The following CELF2 variants were observed in gnomAD, a reference collection of about 807,000 sequenced individuals.
CELF2 encodes the protein CUG triplet repeat RNA-binding protein 2.
Under a neutral mutation model 62.6 loss-of-function variants are expected in CELF2, and 8 were observed. The observed-to-expected ratio is 0.13, with a 90% confidence interval of 0.07 to 0.23. The LOEUF (loss-of-function observed/expected upper bound fraction) is 0.23. Ranked by LOEUF, CELF2 falls within the 10% of genes least tolerant of loss-of-function variation. The pLI, the probability that CELF2 is intolerant of heterozygous loss-of-function variation, is 1.00. For missense variants in CELF2, 333 were observed against 671.0 expected (o/e 0.50, Z 5.56); for synonymous variants, 258 against 250.0 (o/e 1.03, Z -0.30).
intron 1 of CELF2, among the ~76,000 whole-genome samples, chr10:11,076,611 C>T (rs1377392821): frequency 6.6e-6 from 1 of 152,204 alleles, no homozygotes; most frequent in African/African-American, 2.4e-5. Flanking sequence ...CATGTAGCAC[C>T]TAGCATTGCC....
chr10:10,489,328 A>G, the CELF2 span, among the ~76,000 whole-genome samples: 1 of 152,076 alleles, frequency 6.6e-6, no homozygotes, highest in Non-Finnish European at 1.5e-5. Context: ...GGGATTTCCA[A>G]ATTGTAACTG....
At chr10:10,561,197 GA>G in the CELF2 span, among the ~76,000 whole-genome samples, 12 of 150,454 alleles carry the variant, frequency 8.0e-5, no homozygotes, top group African/African-American at 2.7e-4. Flanking sequence ...TCTTCTATTG[GA>G]AAAAAAAAGA....
In CELF2 at chr10:11,238,324, A is replaced by T. The variant is rs747915747; in HGVS notation, c.355-10829A>T. 2.0e-5 allele frequency among the ~76,000 whole-genome samples: 3 copies of T among 152,208 alleles called. No individual in the cohort carries two copies. The East Asian group carries it at 5.8e-4, about 29-fold the overall frequency. On this transcript the variant is annotated intron_variant, in intron 3 of 12. Transcript: ENST00000633077. ...ATTGTAGCTGTCATAGTACAGCCTT[A>T]GCAGCACTATAATCCTATAAGGCTT...
the CELF2 span, among the ~76,000 whole-genome samples, chr10:10,766,850 G>A: frequency 6.6e-6 from 1 of 152,188 alleles, no homozygotes; most frequent in African/African-American, 2.4e-5. Context: ...TACAGGCTTT[G>A]TACCCACTCA....
In CELF2 at chr10:10,972,902, A is replaced by G. The variant is rs2050905335; in HGVS notation, c.89+52903A>G. 6.6e-6 allele frequency among the ~76,000 whole-genome samples: 1 copy of G among 152,208 alleles called. No individual in the cohort carries two copies. The highest frequency in any genetic ancestry group is 2.4e-5 in the African/African-American group (1 of 41,448). On this transcript the variant is annotated intron_variant, in intron 2 of 13. Coordinates refer to the CELF2 transcript ENST00000636488. The surrounding 1 kb of genome is among the most constrained non-coding windows in gnomAD (Gnocchi z 4.4). ...ACATCATCAGCACTACAACGAAGGCACAACAGGATGATCACATGATAGATG... is the reference window on the plus strand; with the variant it reads ...ACATCATCAGCACTACAACGAAGGCGCAACAGGATGATCACATGATAGATG...
chr10:10,553,761 C>T, the CELF2 span, among the ~76,000 whole-genome samples: 1 of 152,058 alleles, frequency 6.6e-6, no homozygotes, highest in African/African-American at 2.4e-5. Flanking sequence ...CGAGCAGAGG[C>T]CCTACAGCAG....
intron 2 of CELF2, among the ~76,000 whole-genome samples, chr10:10,980,348 C>T (rs151226974): frequency 6.6e-6 from 1 of 152,308 alleles, no homozygotes; most frequent in East Asian, 1.9e-4. Flanking sequence ...TCTCTTCCCC[C>T]CCCAAGATGG....
At chr10:11,154,662 C>T (rs2063963016) in intron 1 of CELF2, among the ~76,000 whole-genome samples, 1 of 152,220 alleles carries the variant, frequency 6.6e-6, no homozygotes, top group Non-Finnish European at 1.5e-5. Context: ...ACACTTGTCC[C>T]TTTAATGATA....
chr10:11,101,333 AG>A (rs769457669), intron 1 of CELF2, among the ~76,000 whole-genome samples: 55 of 152,346 alleles, frequency 3.6e-4, no homozygotes, highest in Admixed American at 1.8e-3. Flanking sequence ...GTCATAAGAA[AG>A]GTCTTGGTTG....
At chr10:11,238,587 A>C (rs2072486128) in intron 3 of CELF2, among the ~76,000 whole-genome samples, 2 of 152,226 alleles carry the variant, frequency 1.3e-5, no homozygotes, top group African/African-American at 4.8e-5. Flanking sequence ...TTATCAAATA[A>C]ATTTCCTGTT....
At chr10:10,550,752 G>A in the CELF2 span, among the ~76,000 whole-genome samples, 7 of 151,544 alleles carry the variant, frequency 4.6e-5, no homozygotes, top group African/African-American at 1.7e-4. Context: ...AGGCTGGAGT[G>A]CAATGGCACC....
At chr10:10,517,447 C>T in the CELF2 span, among the ~76,000 whole-genome samples, 1 of 152,198 alleles carries the variant, frequency 6.6e-6, no homozygotes, top group Non-Finnish European at 1.5e-5. Context: ...CCCTTCACCA[C>T]CCTGACCCTG....
At chr10:10,846,116 A>G (rs1056613486) in intron 1 of CELF2, 2 of 985,156 alleles carry the variant, frequency 2.0e-6, no homozygotes, top group African/African-American at 1.7e-5. Flanking sequence ...AGCAGGAGTA[A>G]GCAATTCCTT....
At chr10:10,799,153 G>A (rs1317286330) in intron 1 of CELF2, among the ~76,000 whole-genome samples, 1 of 152,180 alleles carries the variant, frequency 6.6e-6, no homozygotes, top group Non-Finnish European at 1.5e-5. Flanking sequence ...GTGTGAGGTG[G>A]AATGTGGTCA....
the CELF2 span, among the ~76,000 whole-genome samples, chr10:10,536,183 C>G: frequency 2.0e-5 from 3 of 151,958 alleles, no homozygotes; most frequent in African/African-American, 7.3e-5. Context: ...CCATGTCTGG[C>G]TAATTTTTGT....
chr10:10,761,907 T>A, the CELF2 span, among the ~76,000 whole-genome samples: 1 of 30,640 alleles, frequency 3.3e-5, no homozygotes, highest in Non-Finnish European at 8.6e-5. Flanking sequence ...TAATAAACCG[T>A]GTGTGTGTGT....
At chr10:10,747,359 G>C in the CELF2 span, among the ~76,000 whole-genome samples, 1 of 152,166 alleles carries the variant, frequency 6.6e-6, no homozygotes, top group Non-Finnish European at 1.5e-5. Context: ...TTGCTTTCTT[G>C]GAGTTTTCAG....
At chr10:10,902,362 T>C (rs1202541817) in intron 1 of CELF2, among the ~76,000 whole-genome samples, 4 of 152,198 alleles carry the variant, frequency 2.6e-5, no homozygotes, top group Non-Finnish European at 4.4e-5. Context: ...AAGAAAAATA[T>C]CGACACATAG....
At chr10:10,857,958 C>G (rs2059842973) in intron 1 of CELF2, among the ~76,000 whole-genome samples, 1 of 151,386 alleles carries the variant, frequency 6.6e-6, no homozygotes, top group Non-Finnish European at 1.5e-5. Flanking sequence ...ATGGGCTTAA[C>G]AGCAGTTTAG....
Sources: allele counts gnomAD v4.1 joint callset (sites outside exome capture counted in the v4.1 genomes callset), GRCh38; gene constraint gnomAD v4.1.1; non-coding constraint Gnocchi (gnomAD v3.1); transcripts MANE v1.5; gene names NCBI Gene and HGNC (gene_info 2026-07-23, HGNC 2026-07-21).